KCNQ5: variants seen among roughly 807,000 people sequenced by gnomAD.
KCNQ5 encodes the protein potassium voltage-gated channel subfamily Q member 5, also known as potassium voltage-gated channel subfamily KQT member 5.
A neutral mutation model predicts 98.2 loss-of-function variants in KCNQ5; 30 were observed. That is an observed-to-expected ratio of 0.31 (90% CI 0.23 to 0.41). The LOEUF is 0.41. KCNQ5 is among the 10% of genes least tolerant of loss of function. The pLI, the probability that KCNQ5 is intolerant of heterozygous loss-of-function variation, is 1.00. For missense variants in KCNQ5, 835 were observed against 1,182.5 expected (o/e 0.71, Z 4.31); for synonymous variants, 458 against 449.4 (o/e 1.02, Z -0.24).
chr6:72,746,193 CT>C (rs1176645839), intron 1 of KCNQ5, among the ~76,000 whole-genome samples: 2 of 144,654 alleles, frequency 1.4e-5, no homozygotes, highest in African/African-American at 2.7e-5. Context: ...ATTATTGAAA[CT>C]TTTTTGTAAT....
At chr6:73,151,585 A>G (rs1195294699) in intron 10 of KCNQ5, among the ~76,000 whole-genome samples, 1 of 152,186 alleles carries the variant, frequency 6.6e-6, no homozygotes, top group Admixed American at 6.5e-5. Flanking sequence ...TGTTTTCATA[A>G]TTCTTCCCAC....
At position 73,075,225 on chromosome 6, in the gene KCNQ5, C is replaced by CTT. The variant is rs60204032; in HGVS notation, c.617-2082_617-2081dup. 8.5e-4 allele frequency among the ~76,000 whole-genome samples: 112 copies of CTT among 131,566 alleles called. 2 individuals carry two copies. Among genetic ancestry groups the CTT allele is most frequent in the East Asian group, 7.5e-3 (35 of 4,672 alleles). 86.3% of individuals were successfully genotyped at this position (131,566 alleles called of 152,430 possible). On this transcript the variant is annotated intron_variant, in intron 3 of 13. Coordinates refer to ENST00000370398, the MANE Select transcript of KCNQ5 (RefSeq NM_019842.4). ...TAGTAATAATCAGCGTATAGTCTCACTTTTTTTTTTTTTTTTGAGACGCAG... is the reference window on the plus strand; with the variant it reads ...TAGTAATAATCAGCGTATAGTCTCACTTTTTTTTTTTTTTTTTTGAGACGCAG...
chr6:72,690,661 A>G (rs1270376914), intron 1 of KCNQ5, among the ~76,000 whole-genome samples: 1 of 151,810 alleles, frequency 6.6e-6, no homozygotes, highest in Non-Finnish European at 1.5e-5. Context: ...TGTTCCCCCA[A>G]CTGCATACAG....
In KCNQ5 at chr6:72,830,910, A is replaced by T. The variant is rs377238595; in HGVS notation, c.399-172998A>T. ...CAAGAAAAAAACAACCCCACCAAAA[A>T]GTGGGCAAAAGATATGAACAGACAT... On this transcript the variant is annotated intron_variant, in intron 1 of 13. Transcript: ENST00000370398. Among the ~76,000 whole-genome samples the T allele has an allele frequency of 1.8e-4, 27 of 152,274 alleles. No individual in the cohort carries two copies. The East Asian group carries it at 2.7e-3, about 15-fold the overall frequency.
At chr6:72,624,354 A>G (rs1216848209) in intron 1 of KCNQ5, among the ~76,000 whole-genome samples, 1 of 152,130 alleles carries the variant, frequency 6.6e-6, no homozygotes, top group Non-Finnish European at 1.5e-5. Flanking sequence ...ATAGGTTATG[A>G]TTTTTTCTTT....
In KCNQ5 at chr6:73,196,884, T is replaced by G. The variant is rs1050364856; in HGVS notation, c.*1470T>G. 1.3e-5 allele frequency: 2 copies of G among 152,046 alleles called. No individual in the cohort carries two copies. The highest frequency in any genetic ancestry group is 4.8e-5 in the African/African-American group (2 of 41,398). 9.4% of individuals were successfully genotyped at this position (152,046 alleles called of 1,614,324 possible). A position where few individuals can be genotyped will look rare whatever the true frequency, so the allele number is the denominator to read the frequency against. On this transcript the variant is annotated 3_prime_UTR_variant, in exon 14 of 14. Transcript: ENST00000370398. ...ATGCTGACTGCTTGTTAGAAACCCATCTAGCTATCTTAGGTCACCAGAACT... is the reference window on the plus strand; with the variant it reads ...ATGCTGACTGCTTGTTAGAAACCCAGCTAGCTATCTTAGGTCACCAGAACT...
At chr6:72,633,220 G>A (rs188327520) in intron 1 of KCNQ5, among the ~76,000 whole-genome samples, 7 of 152,212 alleles carry the variant, frequency 4.6e-5, no homozygotes, top group East Asian at 3.9e-4. Flanking sequence ...GGGGCCACTC[G>A]TATGTCTTCT....
intron 1 of KCNQ5, among the ~76,000 whole-genome samples, chr6:72,842,206 T>C (rs755077908): frequency 4.2e-4 from 64 of 152,280 alleles, no homozygotes; most frequent in Non-Finnish European, 8.2e-4. Context: ...TCTGTTGAAA[T>C]GACTTCCACA....
intron 1 of KCNQ5, among the ~76,000 whole-genome samples, chr6:72,782,456 C>A (rs1773533484): frequency 6.6e-6 from 1 of 152,138 alleles, no homozygotes; most frequent in South Asian, 2.1e-4. Flanking sequence ...TCCCATTCTC[C>A]AGAAACACAA....
rs1397816089 is a variant in KCNQ5, at chr6:73,124,968, TATATATATATATACAC to T, written c.1247+458_1247+473del. ...ATATATATATATATATATATATATA[TATATATATATATACAC>T]ACACACACATATATATATCATATAC... is the stretch of plus-strand genomic sequence containing the variant. On this transcript the variant is annotated intron_variant, in intron 9 of 13. Coordinates refer to ENST00000370398, the MANE Select transcript of KCNQ5 (RefSeq NM_019842.4). Among the ~76,000 whole-genome samples, 81 of 10,638 alleles carry T rather than the reference TATATATATATATACAC, an allele frequency of 7.6e-3. 2 individuals are homozygous for T. The highest frequency in any genetic ancestry group is 0.017 in the African/African-American group (42 of 2,424). The allele number at this position is 10,638 out of a possible 152,430, so 7.0% of individuals were successfully genotyped here.
chr6:72,718,046 T>G (rs1282555669), intron 1 of KCNQ5, among the ~76,000 whole-genome samples: 2 of 152,168 alleles, frequency 1.3e-5, no homozygotes, highest in Non-Finnish European at 2.9e-5. Flanking sequence ...TCCCACCCTC[T>G]ATGGCCACCC....
chr6:72,764,910 A>G (rs1321656909), intron 1 of KCNQ5, among the ~76,000 whole-genome samples: 1 of 151,976 alleles, frequency 6.6e-6, no homozygotes, highest in Non-Finnish European at 1.5e-5. Context: ...ACTTCACATA[A>G]TGATCTCCAG....
At chr6:72,833,654 G>T (rs1317101888) in intron 1 of KCNQ5, among the ~76,000 whole-genome samples, 2 of 151,978 alleles carry the variant, frequency 1.3e-5, no homozygotes, top group African/African-American at 4.8e-5. Context: ...AAGAAATTTT[G>T]CTTCTTCTTT....
At chr6:72,628,388 C>G (rs564066666) in intron 1 of KCNQ5, among the ~76,000 whole-genome samples, 1 of 152,282 alleles carries the variant, frequency 6.6e-6, no homozygotes, top group African/African-American at 2.4e-5. Context: ...GTGATATGGG[C>G]ACAATCGTGT....
intron 1 of KCNQ5, among the ~76,000 whole-genome samples, chr6:72,828,754 G>C (rs186712562): frequency 6.6e-6 from 1 of 151,942 alleles, no homozygotes; most frequent in Admixed American, 6.6e-5. Context: ...CCTTTATAAT[G>C]TGGATGCCTC....
Position 72,808,177 on chromosome 6 carries a change from C to G in KCNQ5, c.398+185590C>G, listed in dbSNP as rs147166331. ...TAGTGGCAAAGGAAATGGAGAGAAGCGGACTGATTTGAGTGATACTTAGGA... is the reference window on the plus strand; with the variant it reads ...TAGTGGCAAAGGAAATGGAGAGAAGGGGACTGATTTGAGTGATACTTAGGA... On this transcript the variant is annotated intron_variant, in intron 1 of 13. Transcript: ENST00000370398. Among the ~76,000 whole-genome samples the G allele has an allele frequency of 2.2e-3, 342 of 152,108 alleles. 1 individual carries two copies. The highest frequency in any genetic ancestry group is 7.8e-3 in the African/African-American group (323 of 41,490).
chr6:72,634,911 C>G (rs943158128), intron 1 of KCNQ5, among the ~76,000 whole-genome samples: 9 of 152,146 alleles, frequency 5.9e-5, no homozygotes, highest in Non-Finnish European at 1.3e-4. Context: ...CTTATTACCA[C>G]TAGTGGAACT....
intron 1 of KCNQ5, among the ~76,000 whole-genome samples, chr6:72,883,548 C>G (rs1170848041): frequency 1.3e-5 from 2 of 152,034 alleles, no homozygotes; most frequent in East Asian, 3.9e-4. Context: ...CAACATGAAG[C>G]AAATACACTT....
rs908105695 is a variant in KCNQ5, at chr6:72,885,087, C to T, written c.399-118821C>T. On this transcript the variant is annotated intron_variant, in intron 1 of 13. Transcript: ENST00000370398. Reference sequence around the variant, plus strand: ...GATAGTTATGAAGATTAATATGAGACAATAAGCATAAAGTATCAGAACAAC... The same window carrying T: ...GATAGTTATGAAGATTAATATGAGATAATAAGCATAAAGTATCAGAACAAC... Among the ~76,000 whole-genome samples the T allele has an allele frequency of 2.0e-5, 3 of 152,010 alleles. No individual in the cohort carries two copies. In the South Asian group the frequency reaches 6.2e-4, roughly 32 times the overall value.
Sources: gnomAD v4.1 joint callset for allele counts (sites outside exome capture counted in the v4.1 genomes callset) on GRCh38, gnomAD v4.1.1 for gene constraint, MANE v1.5 for transcripts, NCBI Gene and HGNC (gene_info 2026-07-23, HGNC 2026-07-21) for gene names.